Variants in PCSK6 observed in about 807,000 individuals in gnomAD.
PCSK6 encodes paired basic amino acid cleaving enzyme 4.
Under a neutral mutation model 123.3 loss-of-function variants are expected in PCSK6, and 85 were observed. That is an observed-to-expected ratio of 0.69 (90% CI 0.58 to 0.83). The LOEUF (loss-of-function observed/expected upper bound fraction) is 0.83, where lower values mean the gene tolerates loss of function less well. Ranked by LOEUF, PCSK6 falls within the 40% of genes least tolerant of loss-of-function variation. The probability of loss-of-function intolerance (pLI) is 0.00; values close to 1 mark genes in which losing one functional copy is unlikely to be tolerated. For synonymous variants in PCSK6, 508 were observed against 516.0 expected, an observed-to-expected ratio of 0.98 and a Z score of 0.21; for missense variants, 1,191 against 1,282.3, an observed-to-expected ratio of 0.93 and a Z score of 1.09.
intron 7 of PCSK6, among the ~76,000 whole-genome samples, chr15:101,393,847 T>C (rs1352682115): frequency 1.3e-5 from 2 of 152,202 alleles, no homozygotes; most frequent in Admixed American, 1.3e-4. Flanking sequence ...TTTTTCTGGG[T>C]TGAAAGAGCT....
chr15:101,446,149 G>C (rs1043838839), intron 1 of PCSK6, among the ~76,000 whole-genome samples: 4 of 152,266 alleles, frequency 2.6e-5, no homozygotes, highest in Non-Finnish European at 5.9e-5. Flanking sequence ...TAGCATGAGA[G>C]CTGGGGGGCC....
At chr15:101,328,206 A>G (rs1456019668) in intron 15 of PCSK6, among the ~76,000 whole-genome samples, 1 of 152,158 alleles carries the variant, frequency 6.6e-6, no homozygotes, top group African/African-American at 2.4e-5. Flanking sequence ...TGACTTGAGG[A>G]CTTCTCTCCT....
At chr15:101,347,000 C>A in intron 13 of PCSK6, 1 of 1,231,650 alleles carries the variant, frequency 8.1e-7, no homozygotes, top group Non-Finnish European at 1.0e-6. Context: ...AGATTGACTG[C>A]AATATTAATG....
At chr15:101,323,537 C>G (rs1356344636) in intron 17 of PCSK6, among the ~76,000 whole-genome samples, 1 of 152,116 alleles carries the variant, frequency 6.6e-6, no homozygotes, top group Admixed American at 6.5e-5. Flanking sequence ...TTCAGACCAG[C>G]CTGACCAACA....
chr15:101,424,088 A>G (rs10152567), intron 6 of PCSK6, among the ~76,000 whole-genome samples: 8,608 of 151,796 alleles, frequency 0.057, 239 homozygotes, highest in African/African-American at 0.078. Flanking sequence ...TTTTTTAATT[A>G]GCTGGGAAAG....
At chr15:101,369,418 AG>A (rs1299252549) in intron 12 of PCSK6, among the ~76,000 whole-genome samples, 1 of 152,228 alleles carries the variant, frequency 6.6e-6, no homozygotes, top group Non-Finnish European at 1.5e-5. Flanking sequence ...AGCCTCAGGC[AG>A]GTCACCAAAG....
At position 101,305,064 on chromosome 15, in the gene PCSK6, T is replaced by C; in HGVS notation, c.*194A>G. 6.9e-6 allele frequency: 4 copies of C among 577,602 alleles called. No individual in the cohort carries two copies. In the South Asian group the frequency reaches 8.5e-5, roughly 12 times the overall value. 35.8% of individuals were successfully genotyped at this position (577,602 alleles called of 1,614,324 possible). On this transcript the variant is annotated 3_prime_UTR_variant, in exon 22 of 22. Coordinates refer to ENST00000611716, the MANE Select transcript of PCSK6 (RefSeq NM_002570.5). The surrounding 1 kb of genome is among the most constrained non-coding windows in gnomAD (Gnocchi z 4.8). ...AGCCAACAAGCAGCATTTGAGAGGA[T>C]ATCACCATTTTAGGAACACCTCCTT...
chr15:101,472,135 C>T (rs552611958), intron 1 of PCSK6, among the ~76,000 whole-genome samples: 270 of 152,350 alleles, frequency 1.8e-3, no homozygotes, highest in Admixed American at 3.0e-3. Flanking sequence ...CAAGGGGACA[C>T]AGGCAGACCA....
chr15:101,438,026 C>T (rs950168038), intron 2 of PCSK6, among the ~76,000 whole-genome samples: 3 of 152,184 alleles, frequency 2.0e-5, no homozygotes, highest in East Asian at 1.9e-4. Context: ...CAGAGCCACT[C>T]GCAGAGAGGG....
Position 101,332,097 on chromosome 15 carries a change from G to A in PCSK6, c.1859-66C>T, listed in dbSNP as rs982578936. The A allele has an allele frequency of 2.1e-5, 30 of 1,414,156 alleles. No individual in the cohort carries two copies. The Middle Eastern group carries it at 5.6e-4, about 27-fold the overall frequency. The allele number at this position is 1,414,156 out of a possible 1,614,324, so 87.6% of individuals were successfully genotyped here. A position where few individuals can be genotyped will look rare whatever the true frequency, so the allele number is the denominator to read the frequency against. ...AGACCTCTGTCACTCACAGAAATAA[G>A]CCAGATGCTGCCTGGCTCCTCCCCT... On this transcript the variant is annotated intron_variant, in intron 13 of 21. Coordinates refer to ENST00000611716, the MANE Select transcript of PCSK6 (RefSeq NM_002570.5).
intron 2 of PCSK6, among the ~76,000 whole-genome samples, chr15:101,434,528 T>C (rs577812670): frequency 6.6e-6 from 1 of 152,356 alleles, no homozygotes; most frequent in East Asian, 1.9e-4. Flanking sequence ...TGCTGGGCTC[T>C]GGGCAAAACC....
chr15:101,454,587 C>G (rs1395419662), intron 1 of PCSK6, among the ~76,000 whole-genome samples: 1 of 152,138 alleles, frequency 6.6e-6, no homozygotes, highest in Admixed American at 6.5e-5. Context: ...TTCATAGAGA[C>G]AGAATGTGGT....
At chr15:101,430,637 G>A (rs1015179067) in intron 4 of PCSK6, among the ~76,000 whole-genome samples, 1 of 152,154 alleles carries the variant, frequency 6.6e-6, no homozygotes, top group Non-Finnish European at 1.5e-5. Context: ...TATGATAAAA[G>A]GTTTCCAGTG....
At chr15:101,408,675 C>T (rs1348672252) in intron 6 of PCSK6, among the ~76,000 whole-genome samples, 2 of 152,198 alleles carry the variant, frequency 1.3e-5, no homozygotes, top group Non-Finnish European at 2.9e-5. Flanking sequence ...CCCAAGCCCC[C>T]CAGTGCATTT....
chr15:101,365,127 A>G (rs2041350019), intron 13 of PCSK6: 1 of 595,920 alleles, frequency 1.7e-6, no homozygotes, highest in Non-Finnish European at 3.2e-6. Flanking sequence ...CCTACCTCAC[A>G]CCATATACAA....
At chr15:101,348,522 C>A (rs1250963204) in intron 13 of PCSK6, among the ~76,000 whole-genome samples, 1 of 152,218 alleles carries the variant, frequency 6.6e-6, no homozygotes, top group Non-Finnish European at 1.5e-5. Flanking sequence ...AGGCAGAACA[C>A]AGAATTCGAT....
At chr15:101,457,454 T>A (rs1040827618) in intron 1 of PCSK6, among the ~76,000 whole-genome samples, 3 of 152,216 alleles carry the variant, frequency 2.0e-5, no homozygotes, top group African/African-American at 7.2e-5. Context: ...AGCCCCAGCC[T>A]CCCAGGGCGC....
intron 20 of PCSK6, chr15:101,307,743 C>T: frequency 5.2e-6 from 1 of 190,764 alleles, no homozygotes; most frequent in South Asian, 1.0e-4. Context: ...GGCCAGACTC[C>T]ACCCAGGGAT....
At chr15:101,488,466 C>A (rs2058072789) in intron 1 of PCSK6, among the ~76,000 whole-genome samples, 1 of 152,166 alleles carries the variant, frequency 6.6e-6, no homozygotes, top group Non-Finnish European at 1.5e-5. Context: ...TGCTTGCTCA[C>A]TGACAGAAGA....
Sources: gnomAD v4.1 joint callset for allele counts (sites outside exome capture counted in the v4.1 genomes callset) on GRCh38, gnomAD v4.1.1 for gene constraint, Gnocchi (gnomAD v3.1) non-coding constraint, MANE v1.5 for transcripts, NCBI Gene and HGNC (gene_info 2026-07-23, HGNC 2026-07-21) for gene names.